Variants in CLUL1 observed in about 807,000 individuals in gnomAD.
CLUL1 encodes clusterin-like protein 1.
A neutral mutation model predicts 49.4 loss-of-function variants in CLUL1; 43 were observed. The observed-to-expected ratio is 0.87, with a 90% CI of 0.68 to 1.12. The LOEUF (loss-of-function observed/expected upper bound fraction) is 1.12, where lower values mean the gene tolerates loss of function less well. Among genes scored for constraint, CLUL1 ranks in the 50% most tolerant of loss-of-function variants. The pLI is 0.00. For missense variants in CLUL1, 486 were observed against 544.4 expected (o/e 0.89, Z 1.07); for synonymous variants, 192 against 184.9 (o/e 1.04, Z -0.31).
chr18:637,073 G>A (rs1490374874), intron 7 of CLUL1, among the ~76,000 whole-genome samples: 1 of 150,596 alleles, frequency 6.6e-6, no homozygotes, highest in African/African-American at 2.5e-5. Flanking sequence ...TGCAACCTCC[G>A]CCTTCTGGGT....
intron 6 of CLUL1, among the ~76,000 whole-genome samples, chr18:628,599 T>C (rs1323598643): frequency 6.6e-6 from 1 of 151,986 alleles, no homozygotes; most frequent in East Asian, 1.9e-4. Context: ...AGATGAAAAA[T>C]AAAATGGGCT....
chr18:645,106 A>T lies in CLUL1; in HGVS notation c.1397+9A>T. On this transcript the variant is annotated intron_variant, in intron 9 of 9. Coordinates refer to ENST00000692774, the MANE Select transcript of CLUL1 (RefSeq NM_001393344.1). ...GAACATTTTAAAACCTGGTAAGCAG[A>T]GTGCCTGGTTAGGAATGCCTTGTTG... is the stretch of plus-strand genomic sequence containing the variant. 1 of 1,581,096 alleles carries T rather than the reference A, an allele frequency of 6.3e-7. No homozygotes were observed. The highest frequency in any genetic ancestry group is 1.2e-5 in the South Asian group (1 of 84,010).
chr18:636,577 C>T (rs1396765719), intron 7 of CLUL1, among the ~76,000 whole-genome samples: 12 of 149,668 alleles, frequency 8.0e-5, no homozygotes, highest in East Asian at 7.9e-4. Flanking sequence ...GATCATTATT[C>T]GAGTGGTTAG....
At chr18:646,495 T>TACAC (rs2074512174) in intron 9 of CLUL1, among the ~76,000 whole-genome samples, 2 of 77,978 alleles carry the variant, frequency 2.6e-5, no homozygotes, top group African/African-American at 5.3e-5. Flanking sequence ...GACAGATAGA[T>TACAC]AGACACACAC....
At chr18:623,963 T>C (rs1244032821) in intron 4 of CLUL1, among the ~76,000 whole-genome samples, 1 of 152,194 alleles carries the variant, frequency 6.6e-6, no homozygotes, top group Admixed American at 6.5e-5. Context: ...TCCACTATAC[T>C]CACTTCATTC....
chr18:644,906 G>A lies in CLUL1; in HGVS notation c.1210-4G>A. 6.2e-7 allele frequency: 1 copy of A among 1,602,426 alleles called. No individual in the cohort carries two copies. Among genetic ancestry groups the A allele is most frequent in the African/African-American group, 1.3e-5 (1 of 74,704 alleles). ...ACTTCTACTGTATAATCCTTCTTCT[G>A]TAGGTAGTTCCAAGGATTCATGAAG... On this transcript the variant is annotated splice_polypyrimidine_tract_variant and splice_region_variant and intron_variant, in intron 8 of 9. Transcript: ENST00000692774.
At chr18:616,872 C>T (rs762290849) in intron 2 of CLUL1, 72 of 162,292 alleles carry the variant, frequency 4.4e-4, no homozygotes, top group Non-Finnish European at 8.7e-4. Context: ...ATTACTAGTA[C>T]AGTTGCTAGT....
rs2072668953 is a variant in CLUL1, at chr18:597,030, A to G, written c.-235A>G. 6.6e-6 allele frequency: 1 copy of G among 152,244 alleles called. No individual in the cohort carries two copies. The highest frequency in any genetic ancestry group is 2.4e-5 in the African/African-American group (1 of 41,322). The allele number at this position is 152,244 out of a possible 1,614,324, so 9.4% of individuals were successfully genotyped here. A position where few individuals can be genotyped will look rare whatever the true frequency, so the allele number is the denominator to read the frequency against. ...GGCCCGGGCCGCGGGGTTGGTTTCC[A>G]CCCTGGAGGTTGCTGACACCCTGTG... On this transcript the variant is annotated 5_prime_UTR_variant, in exon 1 of 10. Transcript: ENST00000692774.
Position 618,163 on chromosome 18 carries a change from G to T in CLUL1, c.106+57G>T, listed in dbSNP as rs2073364674. ...TGTTTGCATGTTGGTTGTCCTGCTG[G>T]CGTTTATAGTGAGTCGCAGTTGAGA... On this transcript the variant is annotated intron_variant, in intron 3 of 9. Transcript: ENST00000692774. This position sits in a 1 kb window ranked among gnomAD's most constrained non-coding sequence, Gnocchi z 4.2. 1 of 1,310,760 alleles carries T rather than the reference G, an allele frequency of 7.6e-7. No individual in the cohort carries two copies. Among genetic ancestry groups the T allele is most frequent in the South Asian group, 1.2e-5 (1 of 83,576 alleles). 81.2% of individuals were successfully genotyped at this position (1,310,760 alleles called of 1,614,324 possible).
chr18:649,551 A>T, intron 9 of CLUL1: 1 of 178,086 alleles, frequency 5.6e-6, no homozygotes, highest in Admixed American at 6.2e-5. Context: ...AGGCAAATAT[A>T]CAAAATTTGT....
intron 5 of CLUL1, 90 bp downstream of exon 5, chr18:625,122 G>T: frequency 7.7e-7 from 1 of 1,301,466 alleles, no homozygotes. Flanking sequence ...TATTTAGAAC[G>T]GAGATGCCTG....
At chr18:621,382 C>T (rs1383050163) in intron 4 of CLUL1, among the ~76,000 whole-genome samples, 16 of 152,124 alleles carry the variant, frequency 1.1e-4, no homozygotes, top group Non-Finnish European at 2.9e-5. Context: ...TCAGCGTCAC[C>T]GGACTGGTTG....
At chr18:601,310 T>A (rs2072823161) in intron 1 of CLUL1, among the ~76,000 whole-genome samples, 1 of 152,158 alleles carries the variant, frequency 6.6e-6, no homozygotes, top group Non-Finnish European at 1.5e-5. Context: ...AATGAACCTT[T>A]CCAGTGAATT....
At chr18:620,877 G>T (rs1424033216) in intron 4 of CLUL1, among the ~76,000 whole-genome samples, 5 of 151,968 alleles carry the variant, frequency 3.3e-5, no homozygotes, top group African/African-American at 9.7e-5. Flanking sequence ...TTTAAAAAAG[G>T]TTATCTTCAA....
intron 6 of CLUL1, among the ~76,000 whole-genome samples, chr18:630,887 A>G (rs1598433083): frequency 6.6e-6 from 1 of 150,518 alleles, no homozygotes; most frequent in African/African-American, 2.4e-5. Flanking sequence ...GACAGATGAC[A>G]TCTTGATTTT....
intron 4 of CLUL1, among the ~76,000 whole-genome samples, chr18:623,034 C>CTTTTTT (rs112757495): frequency 2.1e-5 from 3 of 143,532 alleles, no homozygotes; most frequent in Non-Finnish European, 4.5e-5. Context: ...GGAGAAACAA[C>CTTTTTT]TTTTTTTTTT....
At chr18:631,372 C>T (rs1014527039) in intron 6 of CLUL1, among the ~76,000 whole-genome samples, 1 of 151,540 alleles carries the variant, frequency 6.6e-6, no homozygotes, top group South Asian at 2.1e-4. Flanking sequence ...TTGACCCGTG[C>T]GGGGGCCGGG....
At chr18:626,860 CAAA>C (rs1162562537) in intron 5 of CLUL1, among the ~76,000 whole-genome samples, 1 of 100,720 alleles carries the variant, frequency 9.9e-6, no homozygotes, top group Non-Finnish European at 2.1e-5. Flanking sequence ...GACTCCATCT[CAAA>C]TAAGAAAGAA....
intron 1 of CLUL1, among the ~76,000 whole-genome samples, chr18:603,576 T>C (rs542155171): frequency 6.6e-6 from 1 of 152,130 alleles, no homozygotes; most frequent in African/African-American, 2.4e-5. Context: ...TATGCAACTA[T>C]ATTATAATAT....
Sources: allele counts gnomAD v4.1 joint callset (sites outside exome capture counted in the v4.1 genomes callset), GRCh38; gene constraint gnomAD v4.1.1; non-coding constraint Gnocchi (gnomAD v3.1); transcripts MANE v1.5; gene names NCBI Gene and HGNC (gene_info 2026-07-23, HGNC 2026-07-21).